Variants in MBD1 observed in about 807,000 individuals in gnomAD.
MBD1 encodes the protein methyl-CpG-binding domain protein 1.
MBD1 carries 25 observed loss-of-function variants against 82.6 expected under a neutral mutation model. That is an observed-to-expected ratio of 0.30 (90% CI 0.22 to 0.42). MBD1 has a LOEUF of 0.42. Among genes scored for constraint, MBD1 ranks in the 10% least tolerant of loss-of-function variants. The probability of loss-of-function intolerance (pLI) is 1.00; values close to 1 mark genes in which losing one functional copy is unlikely to be tolerated. For missense variants in MBD1, 627 were observed against 819.6 expected (o/e 0.76, Z 2.87); for synonymous variants, 301 against 303.7 (o/e 0.99, Z 0.09).
intron 2 of MBD1, among the ~76,000 whole-genome samples, chr18:50,277,980 T>C (rs151146813): frequency 6.6e-6 from 1 of 152,304 alleles, no homozygotes; most frequent in East Asian, 1.9e-4. Context: ...TAATTCCCCC[T>C]CTCGTGCAGG....
chr18:50,280,956 G>A (rs1324624490), intron 1 of MBD1, among the ~76,000 whole-genome samples: 1 of 151,816 alleles, frequency 6.6e-6, no homozygotes, highest in Non-Finnish European at 1.5e-5. Context: ...ACTGCTCCTC[G>A]TCCTCTATAT....
chr18:50,272,194 C>T lies in MBD1; in HGVS notation c.1778+483G>A, dbSNP rs531757481. Among the ~76,000 whole-genome samples, 8 of 152,268 alleles carry T rather than the reference C, an allele frequency of 5.3e-5. No individual in the cohort carries two copies. The East Asian group carries it at 1.2e-3, about 22-fold the overall frequency. On this transcript the variant is annotated intron_variant, in intron 15 of 16. Coordinates refer to ENST00000269468, the MANE Select transcript of MBD1 (RefSeq NM_015846.4). ...GTGAACCCAGCTCACAAAGCCAGCTCGGAACCCAGATCTCCTGCCCATACC... is the reference window on the plus strand; with the variant it reads ...GTGAACCCAGCTCACAAAGCCAGCTTGGAACCCAGATCTCCTGCCCATACC...
rs2034405441 is a variant in MBD1 at position 50,269,013 on chromosome 18, T to C, written c.*838A>G. ...TTCAGCATTAAATTCCATGATAAAG[T>C]TGGAAATCCATTCACCATTTGTAAT... On this transcript the variant is annotated 3_prime_UTR_variant, in exon 17 of 17. Coordinates refer to ENST00000269468, the MANE Select transcript of MBD1 (RefSeq NM_015846.4). 2 of 985,818 alleles carry C rather than the reference T, an allele frequency of 2.0e-6. No homozygotes were observed. The highest frequency in any genetic ancestry group is 2.4e-6 in the Non-Finnish European group (2 of 830,188). 61.1% of individuals were successfully genotyped at this position (985,818 alleles called of 1,614,324 possible). A position where few individuals can be genotyped will look rare whatever the true frequency, so the allele number is the denominator to read the frequency against.
intron 2 of MBD1, among the ~76,000 whole-genome samples, chr18:50,277,949 G>A (rs2038695352): frequency 6.6e-6 from 1 of 152,178 alleles, no homozygotes; most frequent in African/African-American, 2.4e-5. Context: ...TTCAGAAACT[G>A]GCACAAAAAT....
intron 16 of MBD1, chr18:50,270,268 G>A (rs1316164211): frequency 2.0e-6 from 2 of 987,410 alleles, no homozygotes; most frequent in Non-Finnish European, 1.6e-6. Context: ...TAAGGCAAGG[G>A]AGGCACACAG....
chr18:50,270,242 A>G (rs1445607282), intron 16 of MBD1: 17 of 1,332,836 alleles, frequency 1.3e-5, no homozygotes, highest in Non-Finnish European at 1.8e-5. Flanking sequence ...TTAAAGCTGC[A>G]GGGCTGGGAC....
chr18:50,273,532 G>A (rs756205212), intron 12 of MBD1, 32 bp downstream of exon 12: 1 of 1,613,246 alleles, frequency 6.2e-7, no homozygotes, highest in African/African-American at 1.3e-5. Context: ...GCTGGGTGAG[G>A]CTGGGAAGGC....
chr18:50,275,399 G>A (rs1330089123), intron 8 of MBD1, 154 bp from the exon 9 acceptor site: 5 of 1,607,532 alleles, frequency 3.1e-6, no homozygotes, highest in Non-Finnish European at 3.4e-6. Flanking sequence ...AGGGGAGTGC[G>A]TCGCTGACAT....
rs187686392 is a variant in MBD1, at chr18:50,278,860, A to G, written c.110+1023T>C. ...CATTACTTAATACATATTTTTTTTT[A>G]CAAATGATTATTTGCATGGTCTTTG... is the stretch of plus-strand genomic sequence containing the variant. On this transcript the variant is annotated intron_variant, in intron 2 of 16. Coordinates refer to ENST00000269468, the MANE Select transcript of MBD1 (RefSeq NM_015846.4). Among the ~76,000 whole-genome samples, 471 of 152,146 alleles carry G rather than the reference A, an allele frequency of 3.1e-3. 3 individuals carry two copies. Among genetic ancestry groups the G allele is most frequent in the African/African-American group, 0.01 (427 of 41,516 alleles).
At chr18:50,278,705 T>C (rs552009990) in intron 2 of MBD1, among the ~76,000 whole-genome samples, 29 of 152,344 alleles carry the variant, frequency 1.9e-4, no homozygotes, top group African/African-American at 6.7e-4. Flanking sequence ...CTCTCATTAG[T>C]TATGGTAGTT....
At chr18:50,276,257 A>C in intron 6 of MBD1, 121 bp downstream of exon 6, 1 of 1,052,268 alleles carries the variant, frequency 9.5e-7, no homozygotes, top group Non-Finnish European at 1.4e-6. Flanking sequence ...TGACCTATGG[A>C]GAGCACCCTA....
chr18:50,280,127 G>C, intron 1 of MBD1, 110 bp from the exon 2 acceptor site: 1 of 1,084,844 alleles, frequency 9.2e-7, no homozygotes, highest in East Asian at 2.6e-5. Context: ...CAAGCCCTAG[G>C]ACCTGCCACA....
Position 50,274,338 on chromosome 18 carries a change from G to T in MBD1, c.994C>A (p.Arg332Ser), listed in dbSNP as rs775721336. Residue 332 changes from arginine to serine, a missense_variant, in exon 11 of 17, where the codon CGC becomes AGC. Transcript: ENST00000269468. ...DEDELQPYTN[R>S]RQNRKCGACA... ...GCCCCGCACTTGCGGTTCTGCCGGC[G>T]GTTCGTGTAGGGCTGCTGGGGTGGG... The T allele has an allele frequency of 1.9e-6, 3 of 1,613,218 alleles. No individual in the cohort carries two copies. The highest frequency in any genetic ancestry group is 2.5e-6 in the Non-Finnish European group (3 of 1,179,878).
intron 13 of MBD1, 178 bp downstream of exon 13, chr18:50,273,156 G>T: frequency 8.2e-7 from 1 of 1,219,956 alleles, no homozygotes; most frequent in Non-Finnish European, 1.2e-6. Context: ...TAGCAAAGCG[G>T]GCAAAGCTAG....
intron 15 of MBD1, 121 bp from the exon 16 acceptor site, chr18:50,271,661 T>A (rs1177347059): frequency 9.4e-7 from 1 of 1,068,184 alleles, no homozygotes. Flanking sequence ...TTATCCTTTA[T>A]CTTTTTTTAT....
intron 2 of MBD1, among the ~76,000 whole-genome samples, chr18:50,278,656 T>C (rs1434883061): frequency 6.6e-6 from 1 of 152,232 alleles, no homozygotes; most frequent in Non-Finnish European, 1.5e-5. Context: ...TAATAATGTT[T>C]CTTAAACACA....
At position 50,275,740 on chromosome 18, in the gene MBD1, G is replaced by A. The variant is rs1300254177; in HGVS notation, c.664-12C>T. The A allele has an allele frequency of 6.2e-7, 1 of 1,614,152 alleles. No homozygotes were observed. The highest frequency in any genetic ancestry group is 8.5e-7 in the Non-Finnish European group (1 of 1,180,008). ...CCACACCCTCGGCTCTGTTGGCGGG[G>A]GGCAGGTGGGAGCAGAGGCATGAAG... is the stretch of plus-strand genomic sequence containing the variant. On this transcript the variant is annotated splice_polypyrimidine_tract_variant and intron_variant, in intron 7 of 16. Coordinates refer to ENST00000269468, the MANE Select transcript of MBD1 (RefSeq NM_015846.4).
rs181766113 is a variant in MBD1 at position 50,277,006 on chromosome 18, G to A, written c.226-8C>T. ...AACCGCCACGGGATGGGCCTGGAAA[G>A]TAAGGGAAGGAGGAATATGGGTCAG... On this transcript the variant is annotated splice_region_variant and splice_polypyrimidine_tract_variant and intron_variant, in intron 3 of 16. Transcript: ENST00000269468. 1.9e-6 allele frequency: 3 copies of A among 1,614,234 alleles called. No individual in the cohort carries two copies. Among genetic ancestry groups the A allele is most frequent in the East Asian group, 2.2e-5 (1 of 44,886 alleles).
rs2034526441 is a variant in MBD1 at position 50,269,368 on chromosome 18, A to G, written c.*483T>C. The G allele has an allele frequency of 7.7e-7, 1 of 1,306,570 alleles. No homozygotes were observed. 80.9% of individuals were successfully genotyped at this position (1,306,570 alleles called of 1,614,324 possible). A position where few individuals can be genotyped will look rare whatever the true frequency, so the allele number is the denominator to read the frequency against. ...CCTTGGTGAGGCTATGTTTCCCGGA[A>G]CTCTCTTCCAGTAAGATGGGCCACA... On this transcript the variant is annotated 3_prime_UTR_variant, in exon 17 of 17. Transcript: ENST00000269468.
Sources: gnomAD v4.1 joint callset for allele counts (sites outside exome capture counted in the v4.1 genomes callset) on GRCh38, gnomAD v4.1.1 for gene constraint, MANE v1.5 for transcripts, NCBI Gene and HGNC (gene_info 2026-07-23, HGNC 2026-07-21) for gene names.